RASAL2: variants seen among roughly 807,000 people sequenced by gnomAD.
RASAL2 encodes ras GTPase-activating protein nGAP.
RASAL2 carries 58 observed loss-of-function variants against 128.9 expected under a neutral mutation model. The ratio of observed to expected loss-of-function variants is 0.45; its 90% confidence interval spans 0.36 to 0.56. The LOEUF is 0.56. Ranked by LOEUF, RASAL2 falls within the 20% of genes least tolerant of loss-of-function variation. The pLI, the probability that RASAL2 is intolerant of heterozygous loss-of-function variation, is 0.00. For missense variants in RASAL2, 1,360 were observed against 1,601.6 expected, an observed-to-expected ratio of 0.85 and a Z score of 2.57; for synonymous variants, 561 against 580.8, an observed-to-expected ratio of 0.97 and a Z score of 0.49.
intron 3 of RASAL2, among the ~76,000 whole-genome samples, chr1:178,303,559 GC>G (rs1667862186): frequency 6.6e-6 from 1 of 151,762 alleles, no homozygotes; most frequent in African/African-American, 2.4e-5. Context: ...GCTGCATGCA[GC>G]CCATGGACCG....
intron 5 of RASAL2, among the ~76,000 whole-genome samples, chr1:178,423,151 A>G (rs1236402990): frequency 6.6e-6 from 1 of 152,072 alleles, no homozygotes; most frequent in Non-Finnish European, 1.5e-5. Flanking sequence ...CTTTTTAACA[A>G]CTGAATCTTT....
chr1:178,460,820 T>C (rs1678143335), intron 14 of RASAL2, among the ~76,000 whole-genome samples: 1 of 152,114 alleles, frequency 6.6e-6, no homozygotes, highest in Non-Finnish European at 1.5e-5. Context: ...TTATTTTTAT[T>C]TTTATTTTTT....
At chr1:178,334,873 G>A (rs768022493) in intron 3 of RASAL2, among the ~76,000 whole-genome samples, 1 of 151,954 alleles carries the variant, frequency 6.6e-6, no homozygotes. Context: ...CAGGAGAATC[G>A]CTTGAACCCG....
chr1:178,263,330 C>T (rs1231208388), intron 1 of RASAL2, among the ~76,000 whole-genome samples: 2 of 152,136 alleles, frequency 1.3e-5, no homozygotes, highest in African/African-American at 4.8e-5. Flanking sequence ...CTTGATATTT[C>T]TCACTTAATC....
chr1:178,438,102 T>TTGTGTGTGTG (rs58641965), intron 5 of RASAL2, among the ~76,000 whole-genome samples: 77 of 142,154 alleles, frequency 5.4e-4, no homozygotes, highest in African/African-American at 1.3e-3. Context: ...AAATGGTGGC[T>TTGTGTGTGTG]TGTGTGTGTG....
At chr1:178,440,202 G>T (rs1379614726) in intron 6 of RASAL2, among the ~76,000 whole-genome samples, 3 of 151,664 alleles carry the variant, frequency 2.0e-5, no homozygotes, top group East Asian at 3.9e-4. Context: ...ATATATACAT[G>T]TATTTATACA....
At chr1:178,333,380 C>T (rs912817742) in intron 3 of RASAL2, among the ~76,000 whole-genome samples, 2 of 152,166 alleles carry the variant, frequency 1.3e-5, no homozygotes, top group African/African-American at 4.8e-5. Context: ...TAAAATATCC[C>T]TCAAATATTA....
Position 178,473,173 on chromosome 1 carries a change from C to G in RASAL2, c.3777C>G (p.Ile1259Met), listed in dbSNP as rs776631720. Reference protein sequence around the residue: ...ERYSMQVRNGISPTNPTKLSI... With the variant: ...ERYSMQVRNGMSPTNPTKLSI... ...ACAGCATGCAGGTCCGCAATGGCATCTCCCCCACCAACCCCACCAAGCTTT... is the reference window on the plus strand; with the variant it reads ...ACAGCATGCAGGTCCGCAATGGCATGTCCCCCACCAACCCCACCAAGCTTT... Residue 1259 changes from isoleucine (I) to methionine (M), a missense_variant, in exon 18 of 18, where the codon ATC becomes ATG. Physicochemically the swap from Ile to Met is conservative, Grantham distance 10 (BLOSUM62 1). Transcript: ENST00000367649. The G allele has an allele frequency of 6.2e-7, 1 of 1,614,222 alleles. No homozygotes were observed. Among genetic ancestry groups the G allele is most frequent in the Non-Finnish European group, 8.5e-7 (1 of 1,180,038 alleles).
At chr1:178,431,593 A>T (rs1031317853) in intron 5 of RASAL2, among the ~76,000 whole-genome samples, 1 of 152,084 alleles carries the variant, frequency 6.6e-6, no homozygotes, top group African/African-American at 2.4e-5. Flanking sequence ...TGAAGTATGA[A>T]TGTATGCACA....
chr1:178,330,422 A>G (rs954875861), intron 3 of RASAL2, among the ~76,000 whole-genome samples: 1 of 152,122 alleles, frequency 6.6e-6, no homozygotes, highest in Non-Finnish European at 1.5e-5. Flanking sequence ...CAAGGTGTCT[A>G]TGATTACAAC....
At chr1:178,435,218 A>G (rs1429809714) in intron 5 of RASAL2, among the ~76,000 whole-genome samples, 2 of 152,086 alleles carry the variant, frequency 1.3e-5, no homozygotes, top group African/African-American at 4.8e-5. Context: ...CCCAATTCCT[A>G]AATTTGGAAC....
intron 5 of RASAL2, among the ~76,000 whole-genome samples, chr1:178,425,376 A>G (rs1021235807): frequency 1.3e-5 from 2 of 152,168 alleles, no homozygotes; most frequent in Non-Finnish European, 2.9e-5. Context: ...AAAAATTAAT[A>G]TGAGAAACAA....
chr1:178,209,687 TTC>T (rs971693198), intron 1 of RASAL2, among the ~76,000 whole-genome samples: 1 of 151,824 alleles, frequency 6.6e-6, no homozygotes, highest in Non-Finnish European at 1.5e-5. Context: ...TTCTCTCTTT[TTC>T]TCTCTCTCTC....
intron 1 of RASAL2, among the ~76,000 whole-genome samples, chr1:178,255,287 T>A (rs942897196): frequency 3.3e-4 from 50 of 152,166 alleles, no homozygotes; most frequent in Admixed American, 9.2e-4. Context: ...TAAAGCTAAT[T>A]ATGTAATTTT....
chr1:178,225,240 A>G (rs895269655), intron 1 of RASAL2, among the ~76,000 whole-genome samples: 3 of 151,900 alleles, frequency 2.0e-5, no homozygotes, highest in Non-Finnish European at 2.9e-5. Flanking sequence ...TTAAATATAT[A>G]TATTTTTACT....
At chr1:178,241,699 G>T (rs1664505209) in intron 1 of RASAL2, among the ~76,000 whole-genome samples, 6 of 152,180 alleles carry the variant, frequency 3.9e-5, no homozygotes. Context: ...GGTGTGCAAA[G>T]GTGTGCAGAT....
chr1:178,436,190 C>G (rs1288813377), intron 5 of RASAL2, among the ~76,000 whole-genome samples: 2 of 152,060 alleles, frequency 1.3e-5, no homozygotes, highest in Admixed American at 1.3e-4. Flanking sequence ...TCTTGCTTCT[C>G]TGGGAATTAC....
chr1:178,265,169 G>A (rs1434545291), intron 1 of RASAL2, among the ~76,000 whole-genome samples: 1 of 152,162 alleles, frequency 6.6e-6, no homozygotes, highest in African/African-American at 2.4e-5. Flanking sequence ...CACTAAATTA[G>A]TGTTTTCATA....
chr1:178,118,027 G>A (rs1411378189), intron 1 of RASAL2, among the ~76,000 whole-genome samples: 2 of 151,948 alleles, frequency 1.3e-5, no homozygotes, highest in South Asian at 2.1e-4. Context: ...AGCTGGGCAC[G>A]GTGGCTGGCC....
Sources: gnomAD v4.1 joint callset for allele counts (sites outside exome capture counted in the v4.1 genomes callset) on GRCh38, gnomAD v4.1.1 for gene constraint, MANE v1.5 for transcripts, NCBI Gene and HGNC (gene_info 2026-07-23, HGNC 2026-07-21) for gene names.